Variants in PTAFR observed in about 807,000 individuals in gnomAD.
The protein encoded by PTAFR is platelet-activating factor receptor.
A neutral mutation model predicts 14.7 loss-of-function variants in PTAFR; 8 were observed. That is an observed-to-expected ratio of 0.54 (90% confidence interval 0.32 to 0.98). PTAFR has a LOEUF of 0.98. Among genes scored for constraint, PTAFR ranks in the 50% least tolerant of loss-of-function variants. The pLI is 0.04. For synonymous variants in PTAFR, 156 were observed against 176.5 expected, an observed-to-expected ratio of 0.88 and a Z score of 0.92; for missense variants, 337 against 451.2, an observed-to-expected ratio of 0.75 and a Z score of 2.29.
intron 1 of PTAFR, among the ~76,000 whole-genome samples, chr1:28,185,426 C>T (rs1187705987): frequency 6.6e-6 from 1 of 152,172 alleles, no homozygotes; most frequent in Non-Finnish European, 1.5e-5. Context: ...AAAACTTGTC[C>T]TTTGCCAAGA....
intron 1 of PTAFR, among the ~76,000 whole-genome samples, chr1:28,168,522 A>G (rs75027955): frequency 0.017 from 2,558 of 152,270 alleles, 59 homozygotes; most frequent in African/African-American, 0.048. Context: ...CAAATACTAT[A>G]TGATTCCACT....
At chr1:28,185,294 A>G (rs370102821) in intron 1 of PTAFR, among the ~76,000 whole-genome samples, 3 of 152,296 alleles carry the variant, frequency 2.0e-5, no homozygotes, top group African/African-American at 7.2e-5. Flanking sequence ...TAGAGAGAGG[A>G]AGTGATTTAT....
At chr1:28,151,692 AG>A (rs35930045) in intron 1 of PTAFR, among the ~76,000 whole-genome samples, 1 of 152,106 alleles carries the variant, frequency 6.6e-6, no homozygotes, top group Admixed American at 6.6e-5. Flanking sequence ...TTCTTTAAAA[AG>A]GGGCTCAAGG....
chr1:28,187,169 C>T (rs370552174), intron 1 of PTAFR, among the ~76,000 whole-genome samples: 2 of 152,112 alleles, frequency 1.3e-5, no homozygotes, highest in South Asian at 2.1e-4. Context: ...CACTATCCTC[C>T]GTTTACTGAT....
intron 1 of PTAFR, among the ~76,000 whole-genome samples, chr1:28,168,985 T>C (rs559894199): frequency 6.6e-6 from 1 of 152,052 alleles, no homozygotes; most frequent in South Asian, 2.1e-4. Context: ...AAACATTCTA[T>C]TGGCACTCGC....
intron 1 of PTAFR, among the ~76,000 whole-genome samples, chr1:28,173,351 A>T (rs181986346): frequency 2.3e-3 from 351 of 151,082 alleles, no homozygotes; most frequent in Non-Finnish European, 3.9e-3. Flanking sequence ...CACATCTGTA[A>T]TCCCAGCACT....
At chr1:28,168,112 C>G (rs1026230001) in intron 1 of PTAFR, among the ~76,000 whole-genome samples, 3 of 148,560 alleles carry the variant, frequency 2.0e-5, no homozygotes, top group African/African-American at 7.6e-5. Flanking sequence ...GTGCCCGCCA[C>G]CACACCCGGC....
intron 1 of PTAFR, among the ~76,000 whole-genome samples, chr1:28,188,300 G>A (rs764618497): frequency 3.9e-5 from 6 of 152,140 alleles, no homozygotes; most frequent in Non-Finnish European, 7.3e-5. Context: ...ACAAAAACTA[G>A]CCTGGTGTGA....
At chr1:28,151,489 C>T (rs1409550585) in intron 1 of PTAFR, among the ~76,000 whole-genome samples, 3 of 151,902 alleles carry the variant, frequency 2.0e-5, no homozygotes, top group Non-Finnish European at 4.4e-5. Flanking sequence ...CATGTTGAAT[C>T]TTAATCCCCA....
At chr1:28,167,517 T>C (rs1029888845) in intron 1 of PTAFR, among the ~76,000 whole-genome samples, 12 of 151,924 alleles carry the variant, frequency 7.9e-5, no homozygotes, top group African/African-American at 2.4e-4. Flanking sequence ...TCCAAAACGG[T>C]GCAGCCACTA....
Position 28,150,322 on chromosome 1 carries a change from C to A in PTAFR, c.700G>T (p.Val234Leu). 1.2e-6 allele frequency: 2 copies of A among 1,613,844 alleles called. No individual in the cohort carries two copies. Among genetic ancestry groups the A allele is most frequent in the Non-Finnish European group, 1.7e-6 (2 of 1,179,794 alleles). ...AEVKRRALWM[V>L]CTVLAVFIIC... ...ATGAACACCGCCAAGACCGTGCACA[C>A]CATCCACAGCGCCCGGCGCTTGACT... Residue 234 changes from valine (V) to leucine (L), a missense_variant, in exon 2 of 2, where the codon GTG (valine) becomes TTG (leucine). Coordinates refer to ENST00000373857, the MANE Select transcript of PTAFR (RefSeq NM_000952.5). The surrounding 1 kb of genome is among the most constrained non-coding windows in gnomAD (Gnocchi z 6.3).
At chr1:28,189,485 C>T (rs1231602657) in intron 1 of PTAFR, among the ~76,000 whole-genome samples, 7 of 151,536 alleles carry the variant, frequency 4.6e-5, no homozygotes, top group Non-Finnish European at 1.0e-4. Context: ...TGGTGGCGCG[C>T]GCCTGTAGTC....
At chr1:28,187,442 A>C (rs1646616124) in intron 1 of PTAFR, among the ~76,000 whole-genome samples, 1 of 152,216 alleles carries the variant, frequency 6.6e-6, no homozygotes, top group Non-Finnish European at 1.5e-5. Context: ...AACCCACGAA[A>C]AGCAAAATAT....
chr1:28,189,612 TTAAA>T, intron 1 of PTAFR, among the ~76,000 whole-genome samples: 1 of 151,632 alleles, frequency 6.6e-6, no homozygotes, highest in Non-Finnish European at 1.5e-5. Context: ...GATTCCGTCT[TTAAA>T]TAAATAAATA....
At chr1:28,158,107 G>A (rs1244928669) in intron 1 of PTAFR, among the ~76,000 whole-genome samples, 4 of 152,132 alleles carry the variant, frequency 2.6e-5, no homozygotes, top group African/African-American at 9.7e-5. Flanking sequence ...CAGCTCACAG[G>A]CCATTTTGCA....
At chr1:28,169,915 A>G (rs1447882472) in intron 1 of PTAFR, among the ~76,000 whole-genome samples, 2 of 151,596 alleles carry the variant, frequency 1.3e-5, no homozygotes, top group African/African-American at 4.9e-5. Flanking sequence ...CAGGGGAATC[A>G]CTTGAACCCA....
chr1:28,153,155 G>A (rs763494195), intron 1 of PTAFR, among the ~76,000 whole-genome samples: 5 of 152,148 alleles, frequency 3.3e-5, no homozygotes, highest in Non-Finnish European at 7.3e-5. Context: ...GAAACAATTA[G>A]CCAGGCATAG....
chr1:28,164,536 T>A (rs1302249905), intron 1 of PTAFR, among the ~76,000 whole-genome samples: 1 of 152,222 alleles, frequency 6.6e-6, no homozygotes, highest in South Asian at 2.1e-4. Context: ...ATACAGTACA[T>A]CTTGCCTATG....
chr1:28,162,920 C>T (rs911904141), intron 1 of PTAFR, among the ~76,000 whole-genome samples: 3 of 152,052 alleles, frequency 2.0e-5, no homozygotes, highest in Non-Finnish European at 4.4e-5. Context: ...ATGTTGTACC[C>T]CAACAACTGC....
Sources: gnomAD v4.1 joint callset for allele counts (sites outside exome capture counted in the v4.1 genomes callset) on GRCh38, gnomAD v4.1.1 for gene constraint, Gnocchi (gnomAD v3.1) non-coding constraint, MANE v1.5 for transcripts, NCBI Gene and HGNC (gene_info 2026-07-23, HGNC 2026-07-21) for gene names.